The following PCM1 variants were observed in gnomAD, a reference collection of about 807,000 sequenced individuals.
PCM1 encodes pericentriolar material 1, also known as pericentriolar material 1 protein.
PCM1 carries 157 observed loss-of-function variants against 241.9 expected under a neutral mutation model. The observed-to-expected ratio is 0.65, with a 90% CI of 0.57 to 0.74. PCM1 has a LOEUF of 0.74. Ranked by LOEUF, PCM1 falls within the 30% of genes least tolerant of loss-of-function variation. PCM1 has a pLI of 0.00. For synonymous variants in PCM1, 1,085 were observed against 784.9 expected (o/e 1.38, Z -6.39); for missense variants, 3,478 against 2,360.1 (o/e 1.47, Z -9.81).
At chr8:18,010,806 C>A in intron 32 of PCM1, 138 bp downstream of exon 32, 1 of 591,262 alleles carries the variant, frequency 1.7e-6, no homozygotes, top group South Asian at 2.2e-5. Flanking sequence ...CATGGTGAAA[C>A]CCCGTCCATA....
In PCM1 at chr8:17,939,896, T is replaced by G. The variant is rs1418030088; in HGVS notation, c.783+35T>G. On this transcript the variant is annotated intron_variant, in intron 6 of 38. Coordinates refer to ENST00000325083, the MANE Select transcript of PCM1 (RefSeq NM_006197.4). ...CGACTTTTAAAATAACATATTATTT[T>G]TGTAGTATCTCAGTGTGTATTTACT... 5.3e-6 allele frequency: 7 copies of G among 1,314,304 alleles called. No homozygotes were observed. In the South Asian group the frequency reaches 9.2e-5, roughly 17 times the overall value. 81.4% of individuals were successfully genotyped at this position (1,314,304 alleles called of 1,614,324 possible). A position where few individuals can be genotyped will look rare whatever the true frequency, so the allele number is the denominator to read the frequency against.
At chr8:17,928,921 C>T (rs1478119558) in intron 2 of PCM1, among the ~76,000 whole-genome samples, 5 of 152,048 alleles carry the variant, frequency 3.3e-5, no homozygotes, top group East Asian at 1.9e-4. Flanking sequence ...CGTGAGCCAC[C>T]GCACCCGACC....
At chr8:17,962,845 G>A (rs1250670049) in intron 16 of PCM1, 1 of 264,598 alleles carries the variant, frequency 3.8e-6, no homozygotes, top group Admixed American at 5.6e-5. Context: ...AGAGGTTGCA[G>A]TGAGCCGAGA....
chr8:17,955,604 C>G lies in PCM1; in HGVS notation c.1423C>G (p.Gln475Glu). Residue 475 changes from glutamine to glutamate, a missense_variant, in exon 10 of 39, where the codon CAG (glutamine) becomes GAG (glutamate). Gln to Glu is a conservative substitution (Grantham distance 29). Coordinates refer to ENST00000325083, the MANE Select transcript of PCM1 (RefSeq NM_006197.4). Reference protein sequence around the residue: ...VPYPTASLVSQNESENEGHLN... With the variant: ...VPYPTASLVSENESENEGHLN... ...TTATCCTACTGCTTCTCTAGTATCT[C>G]AGAATGAGAGTGAAAACGAAGGCCA... 6.2e-7 allele frequency: 1 copy of G among 1,613,662 alleles called. No homozygotes were observed. The highest frequency in any genetic ancestry group is 1.1e-5 in the South Asian group (1 of 91,066).
Position 17,947,226 on chromosome 8 carries a change from A to G in PCM1, c.824A>G (p.Asn275Ser). ...CAGGAGCCTATGGAAGAGATAGAAA[A>G]TTTGAAGAAACAACATGATTTATTA... ...PQQEPMEEIE[N>S]LKKQHDLLKR... Residue 275 changes from asparagine to serine, a missense_variant, in exon 7 of 39, where the codon AAT becomes AGT. Coordinates refer to ENST00000325083, the MANE Select transcript of PCM1 (RefSeq NM_006197.4). 1.2e-6 allele frequency: 2 copies of G among 1,611,260 alleles called. No individual in the cohort carries two copies. Among genetic ancestry groups the G allele is most frequent in the Middle Eastern group, 1.7e-4 (1 of 6,048 alleles).
chr8:18,006,490 A>G (rs767704969), intron 30 of PCM1, 93 bp downstream of exon 30: 14 of 787,336 alleles, frequency 1.8e-5, no homozygotes, highest in African/African-American at 5.2e-5. Context: ...GCATTACACA[A>G]TTTATTCTGG....
intron 2 of PCM1, among the ~76,000 whole-genome samples, 161 bp from the exon 3 acceptor site, chr8:17,935,428 T>A (rs1433255668): frequency 6.6e-6 from 1 of 152,210 alleles, no homozygotes; most frequent in Non-Finnish European, 1.5e-5. Flanking sequence ...AATATGCCTG[T>A]CACAGCTAAA....
intron 22 of PCM1, among the ~76,000 whole-genome samples, chr8:17,971,635 T>C (rs920436644): frequency 6.6e-6 from 1 of 152,240 alleles, no homozygotes; most frequent in African/African-American, 2.4e-5. Flanking sequence ...TGAACTGCTT[T>C]AGGTGAACAC....
At position 17,964,594 on chromosome 8, in the gene PCM1, C is replaced by T. The variant is rs1587036736; in HGVS notation, c.2681C>T (p.Thr894Ile). Residue 894 changes from threonine (T) to isoleucine (I), a missense_variant, in exon 18 of 39, where the codon ACC becomes ATC. Physicochemically the swap from Thr to Ile is moderately conservative, Grantham distance 89. Transcript: ENST00000325083. Reference sequence around the variant, plus strand: ...ACGATGGCAACTTGGGGAGGGTCTACCCAGTGTGCACTAGATGAAGAAGGA... The same window carrying T: ...ACGATGGCAACTTGGGGAGGGTCTATCCAGTGTGCACTAGATGAAGAAGGA... ...EKTMATWGGSTQCALDEEGDE... is the reference protein window; with the variant it reads ...EKTMATWGGSIQCALDEEGDE... 6.2e-7 allele frequency: 1 copy of T among 1,613,704 alleles called. No homozygotes were observed. Among genetic ancestry groups the T allele is most frequent in the South Asian group, 1.1e-5 (1 of 91,068 alleles).
At chr8:17,972,815 C>G (rs1294168439) in intron 23 of PCM1, 128 bp downstream of exon 23, 2 of 423,250 alleles carry the variant, frequency 4.7e-6, no homozygotes, top group East Asian at 3.5e-5. Context: ...GTTGAACAGT[C>G]ATTTTTAGTT....
Position 18,025,380 on chromosome 8 carries a change from T to A in PCM1, c.5861T>A (p.Ile1954Lys), listed in dbSNP as rs1344291773. The A allele has an allele frequency of 1.9e-5, 31 of 1,595,038 alleles. No individual in the cohort carries two copies. The highest frequency in any genetic ancestry group is 6.7e-5 in the African/African-American group (5 of 74,388). The change falls in exon 37 of 39, where the codon ATA becomes AAA. Residue 1954 changes from isoleucine (I) to lysine (K), a missense_variant. Transcript: ENST00000325083. ...TTACAGGAAGCAGAATCTGGTAATA[T>A]AAGTCAAAAGTCTGATGAAGAAGAT... ...VNDYEAESGNISQKSDEEDFV... is the reference protein window; with the variant it reads ...VNDYEAESGNKSQKSDEEDFV...
chr8:18,021,257 A>C (rs1426027564), intron 36 of PCM1, among the ~76,000 whole-genome samples: 1 of 152,172 alleles, frequency 6.6e-6, no homozygotes, highest in African/African-American at 2.4e-5. Flanking sequence ...GCACTCTACA[A>C]ACCATCATGG....
intron 36 of PCM1, among the ~76,000 whole-genome samples, chr8:18,021,010 T>G (rs997388409): frequency 6.6e-6 from 1 of 152,194 alleles, no homozygotes. Context: ...TGTGGACTTT[T>G]ATGGCCAAGT....
In PCM1 at chr8:17,935,689, G is replaced by C; in HGVS notation, c.79G>C (p.Asp27His). 6.9e-7 allele frequency: 1 copy of C among 1,453,284 alleles called. No homozygotes were observed. Among genetic ancestry groups the C allele is most frequent in the Non-Finnish European group, 9.7e-7 (1 of 1,033,618 alleles). 90.0% of individuals were successfully genotyped at this position (1,453,284 alleles called of 1,614,324 possible). A position where few individuals can be genotyped will look rare whatever the true frequency, so the allele number is the denominator to read the frequency against. ...LPNWSNENVD[D>H]RLNNMDWGAQ... Reference sequence around the variant, plus strand: ...AAACTGGAGTAATGAGAATGTTGATGACAGGCTCAACAATATGGTATGATT... The same window carrying C: ...AAACTGGAGTAATGAGAATGTTGATCACAGGCTCAACAATATGGTATGATT... Residue 27 changes from aspartate (D) to histidine (H), a missense_variant, in exon 3 of 39, where the codon GAC (aspartate) becomes CAC (histidine). Transcript: ENST00000325083.
At chr8:17,963,339 G>C (rs2073386902) in intron 17 of PCM1, 48 bp downstream of exon 17, 1 of 1,425,146 alleles carries the variant, frequency 7.0e-7, no homozygotes, top group East Asian at 2.4e-5. Flanking sequence ...ACCTGCCGAA[G>C]ATTGACCTGT....
In PCM1 at chr8:17,989,916, G is replaced by C; in HGVS notation, c.4468G>C (p.Ala1490Pro). Reference protein sequence around the residue: ...ETHKISEQNDADNASVLSVSS... With the variant: ...ETHKISEQNDPDNASVLSVSS... ...CCATAAAATAAGTGAGCAAAATGATGCTGATAATGCTAGTGTCCTGTCTGT... is the reference window on the plus strand; with the variant it reads ...CCATAAAATAAGTGAGCAAAATGATCCTGATAATGCTAGTGTCCTGTCTGT... Residue 1490 changes from alanine (A) to proline (P), a missense_variant, in exon 27 of 39, where the codon GCT (alanine) becomes CCT (proline). Physicochemically the swap from Ala to Pro is conservative, Grantham distance 27. Coordinates refer to ENST00000325083, the MANE Select transcript of PCM1 (RefSeq NM_006197.4). 1.3e-6 allele frequency: 2 copies of C among 1,546,026 alleles called. No homozygotes were observed. The highest frequency in any genetic ancestry group is 1.7e-6 in the Non-Finnish European group (2 of 1,143,022).
chr8:18,028,096 C>T lies in PCM1; in HGVS notation c.*434C>T, dbSNP rs79978893. On this transcript the variant is annotated 3_prime_UTR_variant, in exon 39 of 39. Transcript: ENST00000325083. ...GAGAAATATATTATTTGTTATAAAG[C>T]CCATCCATTAGGCCAGTCTTCCAAC... 3.3e-3 allele frequency: 683 copies of T among 206,162 alleles called. 2 individuals are homozygous for T. Among genetic ancestry groups the T allele is most frequent in the African/African-American group, 0.014 (620 of 43,988 alleles). 12.8% of individuals were successfully genotyped at this position (206,162 alleles called of 1,614,324 possible). A position where few individuals can be genotyped will look rare whatever the true frequency, so the allele number is the denominator to read the frequency against.
chr8:17,953,276 C>G, intron 9 of PCM1, 90 bp downstream of exon 9: 1 of 593,936 alleles, frequency 1.7e-6, no homozygotes, highest in Non-Finnish European at 2.7e-6. Flanking sequence ...TGAATGAACA[C>G]ATAGCTCCTC....
chr8:17,929,646 A>G (rs796839389), intron 2 of PCM1, among the ~76,000 whole-genome samples: 17 of 152,176 alleles, frequency 1.1e-4, no homozygotes, highest in African/African-American at 2.6e-4. Flanking sequence ...TAACTCTACT[A>G]TCCTTTAACT....
Sources: allele counts gnomAD v4.1 joint callset (sites outside exome capture counted in the v4.1 genomes callset), GRCh38; gene constraint gnomAD v4.1.1; transcripts MANE v1.5; gene names NCBI Gene and HGNC (gene_info 2026-07-23, HGNC 2026-07-21).